Variants in RARB observed in about 807,000 individuals in gnomAD.
RARB encodes HBV-activated protein.
In RARB, 17 loss-of-function variants were observed where a neutral mutation model predicts 51.9. The observed-to-expected ratio is 0.33, with a 90% CI of 0.22 to 0.49. The LOEUF is 0.49. RARB is among the 20% of genes least tolerant of loss of function. The probability of loss-of-function intolerance (pLI) is 0.99; values close to 1 mark genes in which losing one functional copy is unlikely to be tolerated. For missense variants in RARB, 369 were observed against 550.8 expected, an observed-to-expected ratio of 0.67 and a Z score of 3.30; for synonymous variants, 215 against 195.4, an observed-to-expected ratio of 1.10 and a Z score of -0.84.
At chr3:24,919,592 C>T (rs1057133078) in intron 2 of RARB, among the ~76,000 whole-genome samples, 3 of 152,146 alleles carry the variant, frequency 2.0e-5, no homozygotes, top group African/African-American at 7.2e-5. Flanking sequence ...TCTCTCTGAG[C>T]CTACTCTGGG....
intron 3 of RARB, among the ~76,000 whole-genome samples, chr3:25,092,902 C>T (rs904110407): frequency 6.6e-6 from 1 of 152,128 alleles, no homozygotes; most frequent in South Asian, 2.1e-4. Context: ...ATGACTTATT[C>T]TACAGCTAAG....
chr3:25,074,610 G>T (rs898180272), intron 3 of RARB, among the ~76,000 whole-genome samples: 6 of 151,942 alleles, frequency 3.9e-5, no homozygotes. Context: ...TTTTTTTAAT[G>T]GCTGTTGTTG....
intron 3 of RARB, among the ~76,000 whole-genome samples, chr3:25,088,059 A>G (rs1045176695): frequency 1.3e-5 from 2 of 152,026 alleles, no homozygotes; most frequent in Admixed American, 6.6e-5. Flanking sequence ...GCTAGCAAAG[A>G]AACCAAAAAT....
intron 5 of RARB, among the ~76,000 whole-genome samples, chr3:25,274,609 A>G (rs1177924827): frequency 6.6e-6 from 1 of 152,216 alleles, no homozygotes; most frequent in Non-Finnish European, 1.5e-5. Flanking sequence ...GCTGTGAAAC[A>G]ACCCCCAAAT....
At chr3:25,469,681 A>G (rs1386694821) in intron 2 of RARB, among the ~76,000 whole-genome samples, 1 of 152,210 alleles carries the variant, frequency 6.6e-6, no homozygotes, top group African/African-American at 2.4e-5. Flanking sequence ...AGTGCCTTCC[A>G]TGAGACAGCT....
intron 5 of RARB, among the ~76,000 whole-genome samples, chr3:25,281,210 T>G (rs1466047522): frequency 6.6e-6 from 1 of 152,152 alleles, no homozygotes; most frequent in East Asian, 1.9e-4. Context: ...AGCAAGAAAT[T>G]TGGGAATGGA....
intron 4 of RARB, among the ~76,000 whole-genome samples, chr3:25,167,568 T>C (rs1039220778): frequency 7.9e-5 from 12 of 152,198 alleles, no homozygotes; most frequent in Admixed American, 6.5e-4. Context: ...AAGGAAGTGA[T>C]GATGGAAAGG....
At chr3:25,373,944 A>G (rs1706380751) in intron 5 of RARB, among the ~76,000 whole-genome samples, 1 of 152,206 alleles carries the variant, frequency 6.6e-6, no homozygotes, top group South Asian at 2.1e-4. Flanking sequence ...GATAGAGTAC[A>G]TGGTTGGGGA....
intron 2 of RARB, among the ~76,000 whole-genome samples, chr3:24,888,906 C>T (rs2125362243): frequency 6.6e-6 from 1 of 152,280 alleles, no homozygotes; most frequent in East Asian, 1.9e-4. Flanking sequence ...TTAGCAAGTT[C>T]ACTTTACTTT....
At chr3:25,437,117 C>CTT (rs35238900) in intron 1 of RARB, among the ~76,000 whole-genome samples, 9,185 of 139,524 alleles carry the variant, frequency 0.066, 421 homozygotes, top group Middle Eastern at 0.11. Flanking sequence ...TAAAAGCAAA[C>CTT]TTTTTTTTTT....
intron 2 of RARB, among the ~76,000 whole-genome samples, chr3:25,004,313 C>T (rs1481932793): frequency 1.3e-5 from 2 of 152,016 alleles, no homozygotes; most frequent in Admixed American, 6.6e-5. Context: ...GAAAATACAG[C>T]GTTTTAGTTT....
At chr3:25,484,097 G>A (rs375887334) in intron 2 of RARB, among the ~76,000 whole-genome samples, 99 of 152,320 alleles carry the variant, frequency 6.5e-4, no homozygotes, top group African/African-American at 2.2e-3. Flanking sequence ...GCTCTTTAGA[G>A]TTAAATACAT....
intron 2 of RARB, among the ~76,000 whole-genome samples, chr3:25,018,445 T>A (rs1697561317): frequency 6.6e-6 from 1 of 152,166 alleles, no homozygotes; most frequent in South Asian, 2.1e-4. Context: ...TTAGGATTAT[T>A]TTTTAAAAGT....
intron 2 of RARB, among the ~76,000 whole-genome samples, chr3:25,031,153 G>A (rs760315105): frequency 2.0e-5 from 3 of 152,076 alleles, no homozygotes; most frequent in Non-Finnish European, 4.4e-5. Flanking sequence ...CACCACCCTC[G>A]CCAAGTTGTG....
intron 5 of RARB, chr3:25,259,085 C>A (rs1279360847): frequency 3.0e-6 from 3 of 984,924 alleles, no homozygotes; most frequent in Non-Finnish European, 3.6e-6. Flanking sequence ...AACAGTACAG[C>A]AACCAAAGAA....
Position 24,895,088 on chromosome 3 carries a change from A to AAAGT in RARB, c.-380+36337_-380+36340dup, listed in dbSNP as rs1575058978. Among the ~76,000 whole-genome samples the AAAGT allele has an allele frequency of 7.2e-5, 11 of 152,344 alleles. No homozygotes were observed. In the East Asian group the frequency reaches 2.1e-3, roughly 29 times the overall value. On this transcript the variant is annotated intron_variant, in intron 2 of 11. Transcript: ENST00000383772. Reference sequence around the variant, plus strand: ...TCTGTTTTATGGCATTTAGGAAAGTAAAGTTGCCTATTGATTACCAGGTGA... The same window carrying AAAGT: ...TCTGTTTTATGGCATTTAGGAAAGTAAAGTAAGTTGCCTATTGATTACCAGGTGA...
intron 2 of RARB, among the ~76,000 whole-genome samples, chr3:25,470,591 A>G (rs1695636605): frequency 6.6e-6 from 1 of 152,192 alleles, no homozygotes; most frequent in African/African-American, 2.4e-5. Context: ...TTGCCTATAT[A>G]GAGTTACATG....
intron 5 of RARB, among the ~76,000 whole-genome samples, chr3:25,357,869 A>C (rs186797878): frequency 6.6e-6 from 1 of 152,168 alleles, no homozygotes; most frequent in East Asian, 1.9e-4. Context: ...TGGTCTATAT[A>C]TCAGTTTTGG....
intron 5 of RARB, among the ~76,000 whole-genome samples, chr3:25,419,653 C>T (rs1417804978): frequency 6.6e-6 from 1 of 152,094 alleles, no homozygotes. Context: ...CTGAATAGAC[C>T]CCCAACCCCA....
Sources: gnomAD v4.1 joint callset for allele counts (sites outside exome capture counted in the v4.1 genomes callset) on GRCh38, gnomAD v4.1.1 for gene constraint, MANE v1.5 for transcripts, NCBI Gene and HGNC (gene_info 2026-07-23, HGNC 2026-07-21) for gene names.